Variants in PTPRK observed in about 807,000 individuals in gnomAD.
The protein encoded by PTPRK is receptor-type tyrosine-protein phosphatase kappa.
A neutral mutation model predicts 178.0 loss-of-function variants in PTPRK; 75 were observed. The observed-to-expected ratio is 0.42, with a 90% CI of 0.35 to 0.51. The LOEUF is 0.51. PTPRK is among the 20% of genes least tolerant of loss of function. The pLI, the probability that PTPRK is intolerant of heterozygous loss-of-function variation, is 0.02. For missense variants in PTPRK, 1,441 were observed against 1,797.8 expected (o/e 0.80, Z 3.59); for synonymous variants, 637 against 620.6 (o/e 1.03, Z -0.39).
At chr6:128,245,786 A>T (rs1173287042) in intron 3 of PTPRK, among the ~76,000 whole-genome samples, 3 of 152,230 alleles carry the variant, frequency 2.0e-5, no homozygotes, top group Non-Finnish European at 4.4e-5. Flanking sequence ...AGGGCTTAGC[A>T]AGAAATAGAA....
chr6:128,038,938 T>A (rs1409131371), intron 13 of PTPRK, among the ~76,000 whole-genome samples: 1 of 152,166 alleles, frequency 6.6e-6, no homozygotes, highest in Non-Finnish European at 1.5e-5. Context: ...GCCCATCACA[T>A]AAGCGAAACT....
At chr6:128,292,102 C>T (rs1043713318) in intron 3 of PTPRK, among the ~76,000 whole-genome samples, 11 of 151,788 alleles carry the variant, frequency 7.2e-5, no homozygotes, top group South Asian at 2.1e-4. Flanking sequence ...TAAATAAATC[C>T]GTAGGTATCA....
At chr6:128,497,599 C>T (rs972760763) in intron 1 of PTPRK, among the ~76,000 whole-genome samples, 5 of 152,120 alleles carry the variant, frequency 3.3e-5, no homozygotes, top group African/African-American at 1.2e-4. Context: ...AACACCTTGG[C>T]TTCCTTGTTT....
intron 24 of PTPRK, 50 bp from the exon 25 acceptor site, chr6:127,981,339 A>G (rs780880590): frequency 6.8e-7 from 1 of 1,479,488 alleles, no homozygotes; most frequent in South Asian, 1.2e-5. Context: ...CCCATTTAAC[A>G]GTATAACACA....
chr6:128,204,820 G>A (rs1167706321), intron 6 of PTPRK, among the ~76,000 whole-genome samples: 2 of 152,198 alleles, frequency 1.3e-5, no homozygotes, highest in African/African-American at 2.4e-5. Context: ...CTGTTGGAAT[G>A]TAAATTAGCT....
chr6:128,304,063 A>C (rs1039569937), intron 3 of PTPRK, among the ~76,000 whole-genome samples: 7 of 152,138 alleles, frequency 4.6e-5, no homozygotes, highest in African/African-American at 1.4e-4. Flanking sequence ...ATTATTCTGA[A>C]ATGTGCTCCA....
chr6:128,378,481 A>C (rs1837421213), intron 2 of PTPRK, among the ~76,000 whole-genome samples: 1 of 152,034 alleles, frequency 6.6e-6, no homozygotes, highest in Non-Finnish European at 1.5e-5. Context: ...TGGTTATGAG[A>C]CTTATGTATA....
intron 7 of PTPRK, among the ~76,000 whole-genome samples, chr6:128,154,095 C>G (rs1051679355): frequency 2.0e-5 from 3 of 151,640 alleles, no homozygotes; most frequent in African/African-American, 7.3e-5. Context: ...ATAGAAAAAG[C>G]TAAGACAGGT....
intron 6 of PTPRK, among the ~76,000 whole-genome samples, chr6:128,213,170 T>C (rs1174114857): frequency 6.6e-6 from 1 of 152,086 alleles, no homozygotes; most frequent in Non-Finnish European, 1.5e-5. Flanking sequence ...CACCAAAATA[T>C]ACTATCTGAA....
chr6:128,359,353 T>C (rs1039343103), intron 2 of PTPRK, among the ~76,000 whole-genome samples: 26 of 152,204 alleles, frequency 1.7e-4, no homozygotes, highest in African/African-American at 5.8e-4. Flanking sequence ...AACAAAGTTA[T>C]TCTCTGTATA....
At chr6:128,017,569 G>C (rs1384595643) in intron 13 of PTPRK, among the ~76,000 whole-genome samples, 1 of 151,030 alleles carries the variant, frequency 6.6e-6, no homozygotes, top group Non-Finnish European at 1.5e-5. Context: ...GGGAGTCCCA[G>C]GCTAGGCAAC....
chr6:128,075,091 C>CA (rs1783548293), intron 11 of PTPRK, among the ~76,000 whole-genome samples: 1 of 152,014 alleles, frequency 6.6e-6, no homozygotes, highest in East Asian at 1.9e-4. Flanking sequence ...AGTCTCCACT[C>CA]AAACTCCCTT....
intron 1 of PTPRK, among the ~76,000 whole-genome samples, chr6:128,513,410 G>A (rs1008609014): frequency 5.3e-5 from 8 of 150,940 alleles, no homozygotes. Context: ...TTGAACCCAG[G>A]AGGCAGAAGT....
chr6:128,128,036 G>C (rs1017270198), intron 7 of PTPRK, among the ~76,000 whole-genome samples: 1 of 152,118 alleles, frequency 6.6e-6, no homozygotes, highest in African/African-American at 2.4e-5. Context: ...TTAATGAGAA[G>C]TTAAGGCCAA....
In PTPRK at chr6:127,988,343, G is replaced by A. The variant is rs113644692; in HGVS notation, c.3096+2426C>T. 5.5e-3 allele frequency among the ~76,000 whole-genome samples: 716 copies of A among 130,052 alleles called. 6 individuals carry two copies. Among genetic ancestry groups the A allele is most frequent in the African/African-American group, 0.019 (646 of 33,910 alleles). 85.3% of individuals were successfully genotyped at this position (130,052 alleles called of 152,430 possible). A position where few individuals can be genotyped will look rare whatever the true frequency, so the allele number is the denominator to read the frequency against. On this transcript the variant is annotated intron_variant, in intron 21 of 29. Coordinates refer to ENST00000368226, the MANE Select transcript of PTPRK (RefSeq NM_002844.4). ...TTTTGAGACAGTGTCTCCCTCTGTC[G>A]CCCAGGCTGGAGTGCAGTGGCGCCA... is the stretch of plus-strand genomic sequence containing the variant.
chr6:128,218,886 A>C, intron 6 of PTPRK, 36 bp downstream of exon 6: 1 of 1,560,420 alleles, frequency 6.4e-7, no homozygotes. Flanking sequence ...TAATAAAGCC[A>C]TGCAATTTCG....
intron 1 of PTPRK, among the ~76,000 whole-genome samples, chr6:128,483,233 C>A (rs1425474231): frequency 6.6e-6 from 1 of 152,062 alleles, no homozygotes; most frequent in Admixed American, 6.6e-5. Context: ...CTTGTTTCTA[C>A]CACTCGAAAT....
intron 13 of PTPRK, among the ~76,000 whole-genome samples, chr6:128,048,008 G>A (rs1778357218): frequency 6.6e-6 from 1 of 152,172 alleles, no homozygotes; most frequent in South Asian, 2.1e-4. Flanking sequence ...AAAGGGATGA[G>A]TTGGGGGTTG....
At chr6:128,135,292 T>C (rs17055378) in intron 7 of PTPRK, among the ~76,000 whole-genome samples, 4,426 of 152,216 alleles carry the variant, frequency 0.029, 228 homozygotes, top group African/African-American at 0.1. Flanking sequence ...ACTGTTGAAC[T>C]ATGTTTCTTG....
Sources: gnomAD v4.1 joint callset for allele counts (sites outside exome capture counted in the v4.1 genomes callset) on GRCh38, gnomAD v4.1.1 for gene constraint, MANE v1.5 for transcripts, NCBI Gene and HGNC (gene_info 2026-07-23, HGNC 2026-07-21) for gene names.